OR4C13: variants seen among roughly 807,000 people sequenced by gnomAD.
The protein encoded by OR4C13 is olfactory receptor family 4 subfamily C member 13, also known as olfactory receptor 4C13.
Under a neutral mutation model 14.7 loss-of-function variants are expected in OR4C13, and 23 were observed. The ratio of observed to expected loss-of-function variants is 1.57; its 90% CI spans 1.13 to 2.22. The LOEUF (loss-of-function observed/expected upper bound fraction) is 2.22, where lower values mean the gene tolerates loss of function less well. Ranked by LOEUF, OR4C13 falls within the 30% of genes most tolerant of loss-of-function variation. The pLI is 0.00. For synonymous variants in OR4C13, 178 were observed against 135.5 expected (o/e 1.31, Z -2.18); for missense variants, 504 against 368.6 (o/e 1.37, Z -3.01).
At position 49,953,201 on chromosome 11, in the gene OR4C13, C is replaced by T. The variant is rs1555015904; in HGVS notation, c.779C>T (p.Pro260Leu). Residue 260 changes from proline (P) to leucine (L), a missense_variant, in exon 1 of 1, where the codon CCA (proline) becomes CTA (leucine). Coordinates refer to ENST00000555099, the MANE Select transcript of OR4C13 (RefSeq NM_001001955.2). The stretch of plus-strand genomic sequence containing the variant: ...TGCATATTTGTGTACATGAGACCTC[C>T]AGCTACTTTACCCATTGATAAAGCA... ...IPCIFVYMRP[P>L]ATLPIDKAVA... 6.2e-7 allele frequency: 1 copy of T among 1,613,340 alleles called. No homozygotes were observed.
In OR4C13 at chr11:49,952,779, C is replaced by T. The variant is rs782094106; in HGVS notation, c.357C>T (p.Asp119=). 5.6e-6 allele frequency: 9 copies of T among 1,613,996 alleles called. No individual in the cohort carries two copies. Among genetic ancestry groups the T allele is most frequent in the Non-Finnish European group, 7.6e-6 (9 of 1,179,882 alleles). Residue 119 remains aspartate, a synonymous_variant, in exon 1 of 1, where the codon GAC becomes GAT. Coordinates refer to ENST00000555099, the MANE Select transcript of OR4C13 (RefSeq NM_001001955.2). ...EVILLTVMAY[D]HYVAICKPLH... is the part of the protein sequence containing the mutation. Reference sequence around the variant, plus strand: ...TCCTACTTACTGTAATGGCCTATGACCACTATGTGGCCATCTGCAAGCCCT... The same window carrying T: ...TCCTACTTACTGTAATGGCCTATGATCACTATGTGGCCATCTGCAAGCCCT...
chr11:49,952,811 A>C lies in OR4C13; in HGVS notation c.389A>C (p.Tyr130Ser), dbSNP rs1302715042. ...HYVAICKPLH[Y>S]TTVMKQHVCS... ...GTGGCCATCTGCAAGCCCTTGCACTATACCACCGTCATGAAGCAGCATGTT... is the reference window on the plus strand; with the variant it reads ...GTGGCCATCTGCAAGCCCTTGCACTCTACCACCGTCATGAAGCAGCATGTT... The change falls in exon 1 of 1, where the codon TAT (tyrosine) becomes TCT (serine). Residue 130 changes from tyrosine to serine, a missense_variant. By Grantham distance (144) the Tyr-to-Ser change is moderately radical. Transcript: ENST00000555099. 20 of 1,613,968 alleles carry C rather than the reference A, an allele frequency of 1.2e-5. No homozygotes were observed. The highest frequency in any genetic ancestry group is 1.7e-5 in the Non-Finnish European group (20 of 1,179,974).
chr11:49,953,110 G>A lies in OR4C13; in HGVS notation c.688G>A (p.Ala230Thr), dbSNP rs782400614. The change falls in exon 1 of 1, where the codon GCA (alanine) becomes ACA (threonine). Residue 230 changes from alanine (A) to threonine (T), a missense_variant. By Grantham distance (58) the Ala-to-Thr change is moderately conservative. Coordinates refer to ENST00000555099, the MANE Select transcript of OR4C13 (RefSeq NM_001001955.2). ...LYSLKTHSLE[A>T]RHEALSTCVS... ...CTCCTTAAAGACCCACAGCTTAGAG[G>A]CAAGGCACGAAGCCCTCTCTACCTG... 31 of 1,613,658 alleles carry A rather than the reference G, an allele frequency of 1.9e-5. No homozygotes were observed. The highest frequency in any genetic ancestry group is 1.6e-4 in the Middle Eastern group (1 of 6,078).
chr11:49,952,662 C>G lies in OR4C13; in HGVS notation c.240C>G (p.Ile80Met), dbSNP rs1555015727. ...CCTCTGTCAATACCCCTAAGCTGAT[C>G]ACAGATTCACTCTATGAAAACAAGA... Reference protein sequence around the residue: ...CYSSVNTPKLITDSLYENKTI... With the variant: ...CYSSVNTPKLMTDSLYENKTI... The change falls in exon 1 of 1, where the codon ATC (isoleucine) becomes ATG (methionine). Residue 80 changes from isoleucine to methionine, a missense_variant. Physicochemically the swap from Ile to Met is conservative, Grantham distance 10. Transcript: ENST00000555099. 1 of 1,613,706 alleles carries G rather than the reference C, an allele frequency of 6.2e-7. No homozygotes were observed.
rs782570645 is a variant in OR4C13, at chr11:49,952,939, G to C, written c.517G>C (p.Asp173His). ...ACCTTTCTGTGGTCCTAATGTCATA[G>C]ATCACTTTATGTGTGATCTCTACAC... ...QLPFCGPNVI[D>H]HFMCDLYTLI... Residue 173 changes from aspartate to histidine, a missense_variant, in exon 1 of 1, where the codon GAT (aspartate) becomes CAT (histidine). Coordinates refer to ENST00000555099, the MANE Select transcript of OR4C13 (RefSeq NM_001001955.2). 9 of 1,613,894 alleles carry C rather than the reference G, an allele frequency of 5.6e-6. No homozygotes were observed. The East Asian group carries it at 2.0e-4, about 36-fold the overall frequency.
Position 49,953,396 on chromosome 11 carries a change from A to G in OR4C13, c.*44A>G. ...ATGATTCAGCTGAGGCAAGGGTCAAAAGGACATTTTGGGTAATGCCAGCAA... is the reference window on the plus strand; with the variant it reads ...ATGATTCAGCTGAGGCAAGGGTCAAGAGGACATTTTGGGTAATGCCAGCAA... On this transcript the variant is annotated 3_prime_UTR_variant, in exon 1 of 1. Coordinates refer to ENST00000555099, the MANE Select transcript of OR4C13 (RefSeq NM_001001955.2). The G allele has an allele frequency of 9.1e-7, 1 of 1,097,640 alleles. No individual in the cohort carries two copies. Among genetic ancestry groups the G allele is most frequent in the Non-Finnish European group, 1.3e-6 (1 of 771,984 alleles). 68.0% of individuals were successfully genotyped at this position (1,097,640 alleles called of 1,614,324 possible).
Position 49,953,243 on chromosome 11 carries a change from C to G in OR4C13, c.821C>G (p.Thr274Ser), listed in dbSNP as rs1406437564. ...PIDKAVAVFY[T>S]MITSMLNPLI... ...GATAAAGCAGTTGCTGTATTCTACA[C>G]TATGATAACTTCTATGTTAAACCCC... Residue 274 changes from threonine (T) to serine (S), a missense_variant, in exon 1 of 1, where the codon ACT (threonine) becomes AGT (serine). By Grantham distance (58) the Thr-to-Ser change is moderately conservative. Transcript: ENST00000555099. The G allele has an allele frequency of 1.2e-6, 2 of 1,611,444 alleles. No individual in the cohort carries two copies. The highest frequency in any genetic ancestry group is 1.7e-6 in the Non-Finnish European group (2 of 1,178,214).
In OR4C13 at chr11:49,952,984, A is replaced by C; in HGVS notation, c.562A>C (p.Thr188Pro). The C allele has an allele frequency of 6.2e-7, 1 of 1,613,836 alleles. No individual in the cohort carries two copies. Among genetic ancestry groups the C allele is most frequent in the Non-Finnish European group, 8.5e-7 (1 of 1,179,786 alleles). ...CTACACTTTGATCAATCTTGCCTGC[A>C]CTAATACCCACACTCTAGGACTCTT... ...DLYTLINLAC[T>P]NTHTLGLFIA... The change falls in exon 1 of 1, where the codon ACT becomes CCT. Residue 188 changes from threonine to proline, a missense_variant. Physicochemically the swap from Thr to Pro is conservative, Grantham distance 38. Transcript: ENST00000555099.
chr11:49,952,634 A>T lies in OR4C13; in HGVS notation c.212A>T (p.Tyr71Phe), dbSNP rs782663280. 1 of 1,613,548 alleles carries T rather than the reference A, an allele frequency of 6.2e-7. No homozygotes were observed. Among genetic ancestry groups the T allele is most frequent in the African/African-American group, 1.3e-5 (1 of 74,888 alleles). The change falls in exon 1 of 1, where the codon TAT (tyrosine) becomes TTT (phenylalanine). Residue 71 changes from tyrosine (Y) to phenylalanine (F), a missense_variant. By Grantham distance (22) the Tyr-to-Phe change is conservative (BLOSUM62 3). Coordinates refer to ENST00000555099, the MANE Select transcript of OR4C13 (RefSeq NM_001001955.2). Reference sequence around the variant, plus strand: ...TATCTCTCCTTTATTGATGCCTGCTATTCCTCTGTCAATACCCCTAAGCTG... The same window carrying T: ...TATCTCTCCTTTATTGATGCCTGCTTTTCCTCTGTCAATACCCCTAAGCTG... ...LAYLSFIDAC[Y>F]SSVNTPKLIT...
At position 49,952,673 on chromosome 11, in the gene OR4C13, T is replaced by C; in HGVS notation, c.251T>C (p.Leu84Pro). ...ACCCCTAAGCTGATCACAGATTCAC[T>C]CTATGAAAACAAGACTATCTTATTC... ...VNTPKLITDS[L>P]YENKTILFNG... is the part of the protein sequence containing the mutation. Residue 84 changes from leucine to proline, a missense_variant, in exon 1 of 1, where the codon CTC becomes CCC. Physicochemically the swap from Leu to Pro is moderately conservative, Grantham distance 98 (BLOSUM62 -3). Transcript: ENST00000555099. The C allele has an allele frequency of 6.2e-7, 1 of 1,613,982 alleles. No homozygotes were observed. The highest frequency in any genetic ancestry group is 8.5e-7 in the Non-Finnish European group (1 of 1,179,882).
rs375399263 is a variant in OR4C13, at chr11:49,953,230, G to A, written c.808G>A (p.Ala270Thr). The A allele has an allele frequency of 9.9e-6, 16 of 1,612,122 alleles. No individual in the cohort carries two copies. Among genetic ancestry groups the A allele is most frequent in the African/African-American group, 1.3e-5 (1 of 74,850 alleles). ...TACTTTACCCATTGATAAAGCAGTTGCTGTATTCTACACTATGATAACTTC... is the reference window on the plus strand; with the variant it reads ...TACTTTACCCATTGATAAAGCAGTTACTGTATTCTACACTATGATAACTTC... ...PATLPIDKAVAVFYTMITSML... is the reference protein window; with the variant it reads ...PATLPIDKAVTVFYTMITSML... Residue 270 changes from alanine (A) to threonine (T), a missense_variant, in exon 1 of 1, where the codon GCT (alanine) becomes ACT (threonine). Physicochemically the swap from Ala to Thr is moderately conservative, Grantham distance 58. Transcript: ENST00000555099.
chr11:49,952,940 A>G lies in OR4C13; in HGVS notation c.518A>G (p.Asp173Gly). Residue 173 changes from aspartate (D) to glycine (G), a missense_variant, in exon 1 of 1, where the codon GAT (aspartate) becomes GGT (glycine). Transcript: ENST00000555099. ...CCTTTCTGTGGTCCTAATGTCATAGATCACTTTATGTGTGATCTCTACACT... is the reference window on the plus strand; with the variant it reads ...CCTTTCTGTGGTCCTAATGTCATAGGTCACTTTATGTGTGATCTCTACACT... ...QLPFCGPNVI[D>G]HFMCDLYTLI... The G allele has an allele frequency of 2.5e-6, 4 of 1,613,948 alleles. No homozygotes were observed. Among genetic ancestry groups the G allele is most frequent in the Middle Eastern group, 1.7e-4 (1 of 6,056 alleles).
rs1555015925 is a variant in OR4C13, at chr11:49,953,278, A to T, written c.856A>T (p.Thr286Ser). ...ITSMLNPLIY[T>S]LRNAQMKNAI... The stretch of plus-strand genomic sequence containing the variant: ...TTCTATGTTAAACCCCTTAATCTAC[A>T]CCTTGAGGAATGCTCAAATGAAAAA... The change falls in exon 1 of 1, where the codon ACC becomes TCC. Residue 286 changes from threonine (T) to serine (S), a missense_variant. Physicochemically the swap from Thr to Ser is moderately conservative, Grantham distance 58. Transcript: ENST00000555099. The T allele has an allele frequency of 5.0e-6, 8 of 1,610,384 alleles. No individual in the cohort carries two copies. In the Admixed American group the frequency reaches 5.0e-5, roughly 10 times the overall value.
chr11:49,952,460 T>C lies in OR4C13; in HGVS notation c.38T>C (p.Leu13Ser), dbSNP rs199728991. 3,265 of 1,613,064 alleles carry C rather than the reference T, an allele frequency of 2.0e-3. 78 individuals carry two copies. The South Asian group carries it at 0.034, about 17-fold the overall frequency. Residue 13 changes from leucine to serine, a missense_variant, in exon 1 of 1, where the codon TTG (leucine) becomes TCG (serine). Coordinates refer to ENST00000555099, the MANE Select transcript of OR4C13 (RefSeq NM_001001955.2). ...AACAATGTGACAGAGTTTATTCTAT[T>C]GGGGCTTACAGAGAATCCAAAAATG... The part of the protein sequence containing the change: ...NRNNVTEFIL[L>S]GLTENPKMQK...
rs782592376 is a variant in OR4C13, at chr11:49,952,830, G to A, written c.408G>A (p.Gln136=). Residue 136 remains glutamine, a synonymous_variant, in exon 1 of 1, where the codon CAG becomes CAA. Transcript: ENST00000555099. ...TGCACTATACCACCGTCATGAAGCA[G>A]CATGTTTGTAGCCTGCTAGTGGGAG... ...KPLHYTTVMK[Q]HVCSLLVGVS... is the part of the protein sequence containing the mutation. The A allele has an allele frequency of 1.2e-5, 20 of 1,613,950 alleles. No individual in the cohort carries two copies. Among genetic ancestry groups the A allele is most frequent in the South Asian group, 4.4e-5 (4 of 91,078 alleles).
chr11:49,952,624 G>C lies in OR4C13; in HGVS notation c.202G>C (p.Asp68His). 1 of 1,613,796 alleles carries C rather than the reference G, an allele frequency of 6.2e-7. No homozygotes were observed. Among genetic ancestry groups the C allele is most frequent in the South Asian group, 1.1e-5 (1 of 91,072 alleles). The change falls in exon 1 of 1, where the codon GAT (aspartate) becomes CAT (histidine). Residue 68 changes from aspartate to histidine, a missense_variant. Transcript: ENST00000555099. ...YFFLAYLSFI[D>H]ACYSSVNTPK... ...TTTCCTGGCCTATCTCTCCTTTATTGATGCCTGCTATTCCTCTGTCAATAC... is the reference window on the plus strand; with the variant it reads ...TTTCCTGGCCTATCTCTCCTTTATTCATGCCTGCTATTCCTCTGTCAATAC...
chr11:49,952,996 A>T lies in OR4C13; in HGVS notation c.574A>T (p.Thr192Ser). 1 of 1,613,458 alleles carries T rather than the reference A, an allele frequency of 6.2e-7. No individual in the cohort carries two copies. Among genetic ancestry groups the T allele is most frequent in the Non-Finnish European group, 8.5e-7 (1 of 1,179,680 alleles). Residue 192 changes from threonine (T) to serine (S), a missense_variant, in exon 1 of 1, where the codon ACT becomes TCT. By Grantham distance (58) the Thr-to-Ser change is moderately conservative. Coordinates refer to ENST00000555099, the MANE Select transcript of OR4C13 (RefSeq NM_001001955.2). Reference protein sequence around the residue: ...LINLACTNTHTLGLFIAANSG... With the variant: ...LINLACTNTHSLGLFIAANSG... ...CAATCTTGCCTGCACTAATACCCAC[A>T]CTCTAGGACTCTTCATTGCTGCCAA...
Position 49,952,677 on chromosome 11 carries a change from T to C in OR4C13, c.255T>C (p.Tyr85=). Residue 85 remains tyrosine (Y), a synonymous_variant, in exon 1 of 1, where the codon TAT becomes TAC. Transcript: ENST00000555099. The part of the protein sequence containing the change: ...NTPKLITDSL[Y]ENKTILFNGC... ...CTAAGCTGATCACAGATTCACTCTA[T>C]GAAAACAAGACTATCTTATTCAATG... The C allele has an allele frequency of 1.2e-6, 2 of 1,614,042 alleles. No homozygotes were observed. Among genetic ancestry groups the C allele is most frequent in the Non-Finnish European group, 1.7e-6 (2 of 1,179,926 alleles).
At position 49,953,218 on chromosome 11, in the gene OR4C13, G is replaced by T. The variant is rs140572207; in HGVS notation, c.796G>T (p.Asp266Tyr). ...GAGACCTCCAGCTACTTTACCCATT[G>T]ATAAAGCAGTTGCTGTATTCTACAC... is the stretch of plus-strand genomic sequence containing the variant. ...YMRPPATLPI[D>Y]KAVAVFYTMI... The change falls in exon 1 of 1, where the codon GAT (aspartate) becomes TAT (tyrosine). Residue 266 changes from aspartate to tyrosine, a missense_variant. Asp to Tyr is a radical substitution (Grantham distance 160). Transcript: ENST00000555099. 3.2e-3 allele frequency: 5,149 copies of T among 1,612,360 alleles called. 14 individuals are homozygous for T. The highest frequency in any genetic ancestry group is 6.0e-3 in the Admixed American group (361 of 60,000).
Sources: allele counts gnomAD v4.1 joint callset, GRCh38; gene constraint gnomAD v4.1.1; transcripts MANE v1.5; gene names NCBI Gene and HGNC (gene_info 2026-07-23, HGNC 2026-07-21).